Variants in RGR observed in about 807,000 individuals in gnomAD.
RGR encodes retinal G protein coupled receptor.
In RGR, 30 loss-of-function variants were observed where a neutral mutation model predicts 28.6. That is an observed-to-expected ratio of 1.05 (90% CI 0.78 to 1.42). RGR has a LOEUF of 1.42. Ranked by LOEUF, RGR falls within the 40% of genes most tolerant of loss-of-function variation. RGR has a pLI of 0.00. For synonymous variants in RGR, 180 were observed against 156.4 expected, an observed-to-expected ratio of 1.15 and a Z score of -1.13; for missense variants, 404 against 375.6, an observed-to-expected ratio of 1.08 and a Z score of -0.62.
At position 84,253,046 on chromosome 10, in the gene RGR, A is replaced by T. The variant is rs765805515; in HGVS notation, c.512+36A>T. On this transcript the variant is annotated intron_variant, in intron 4 of 6. Transcript: ENST00000652092. The stretch of plus-strand genomic sequence containing the variant: ...AGGAGCAGCTTCGAGGCTCCTATCC[A>T]TGGGAATCTTGGCTTTGAACTCCTA... 1.9e-6 allele frequency: 3 copies of T among 1,606,052 alleles called. No homozygotes were observed. The African/African-American group carries it at 4.0e-5, about 21-fold the overall frequency.
chr10:84,258,881 TA>T lies in RGR; in HGVS notation c.*247del. 7 of 531,788 alleles carry T rather than the reference TA, an allele frequency of 1.3e-5. No individual in the cohort carries two copies. Among genetic ancestry groups the T allele is most frequent in the Non-Finnish European group, 2.4e-5 (7 of 295,588 alleles). 32.9% of individuals were successfully genotyped at this position (531,788 alleles called of 1,614,324 possible). ...AGGCCTCAGGAAAGTCATTCCTTTTTAAAAATAATAATAAATGTAAGGGGGT... is the reference window on the plus strand; with the variant it reads ...AGGCCTCAGGAAAGTCATTCCTTTTTAAAATAATAATAAATGTAAGGGGGT... On this transcript the variant is annotated 3_prime_UTR_variant, in exon 7 of 7. Coordinates refer to ENST00000652092, the MANE Select transcript of RGR (RefSeq NM_001012720.2).
rs71013305 is a variant in RGR, at chr10:84,255,718, CTTTTTTTTTTTTTTT to C, written c.630+1285_630+1299del. On this transcript the variant is annotated intron_variant, in intron 5 of 6. Coordinates refer to ENST00000652092, the MANE Select transcript of RGR (RefSeq NM_001012720.2). ...CTCTATGAGGAAAGAGGTTTTCTTTCTTTTTTTTTTTTTTTTTTTTTTTTAGGCCGAGTTTCACTC... is the reference window on the plus strand; with the variant it reads ...CTCTATGAGGAAAGAGGTTTTCTTTCTTTTTTTTTAGGCCGAGTTTCACTC... Among the ~76,000 whole-genome samples, 13 of 102,852 alleles carry C rather than the reference CTTTTTTTTTTTTTTT, an allele frequency of 1.3e-4. No individual in the cohort carries two copies. In the East Asian group the frequency reaches 3.1e-3, roughly 25 times the overall value. 67.5% of individuals were successfully genotyped at this position (102,852 alleles called of 152,430 possible). A position where few individuals can be genotyped will look rare whatever the true frequency, so the allele number is the denominator to read the frequency against.
intron 3 of RGR, among the ~76,000 whole-genome samples, chr10:84,252,420 G>A (rs1018156988): frequency 2.6e-5 from 4 of 152,074 alleles, no homozygotes; most frequent in South Asian, 2.1e-4. Context: ...CCACTCCCTC[G>A]TCTCTGTCCT....
At chr10:84,248,857 C>G in intron 2 of RGR, 65 bp from the exon 3 acceptor site, 1 of 1,614,082 alleles carries the variant, frequency 6.2e-7, no homozygotes, top group East Asian at 2.2e-5. Flanking sequence ...CCAAGCTGTA[C>G]TTGGCAGGTG....
intron 2 of RGR, chr10:84,248,152 C>G: frequency 1.0e-6 from 1 of 977,690 alleles, no homozygotes; most frequent in Non-Finnish European, 1.4e-6. Flanking sequence ...ATACCTAGGA[C>G]TCTACGTAAG....
intron 6 of RGR, 84 bp from the exon 7 acceptor site, chr10:84,258,422 TGG>T: frequency 3.7e-6 from 6 of 1,601,842 alleles, no homozygotes; most frequent in African/African-American, 2.7e-5. Flanking sequence ...CAGTTGTAGG[TGG>T]AGGGTGACCG....
intron 2 of RGR, chr10:84,248,507 T>C (rs1405917236): frequency 3.9e-5 from 12 of 309,742 alleles, no homozygotes; most frequent in South Asian, 2.9e-4. Context: ...AATTGAAGTT[T>C]CCACCTTTGC....
chr10:84,246,477 C>T (rs186817278), intron 1 of RGR, among the ~76,000 whole-genome samples: 7 of 152,306 alleles, frequency 4.6e-5, no homozygotes, highest in Middle Eastern at 3.4e-3. Context: ...TGAGAACAAA[C>T]AGCATTTGGT....
In RGR at chr10:84,248,783, T is replaced by A. The variant is rs1477150382; in HGVS notation, c.237-139T>A. 2.6e-6 allele frequency: 4 copies of A among 1,513,278 alleles called. No individual in the cohort carries two copies. In the African/African-American group the frequency reaches 4.1e-5, roughly 16 times the overall value. 93.7% of individuals were successfully genotyped at this position (1,513,278 alleles called of 1,614,324 possible). On this transcript the variant is annotated intron_variant, in intron 2 of 6. Transcript: ENST00000652092. ...CAGTTACTTGAGCTCCAACGCCTCATAGGAAAGACACCAATATTAAGGCCC... is the reference window on the plus strand; with the variant it reads ...CAGTTACTTGAGCTCCAACGCCTCAAAGGAAAGACACCAATATTAAGGCCC...
intron 3 of RGR, among the ~76,000 whole-genome samples, chr10:84,249,776 G>A (rs143048627): frequency 6.6e-6 from 1 of 152,324 alleles, no homozygotes; most frequent in African/African-American, 2.4e-5. Context: ...ACTTCCATGA[G>A]GCTTCATGAA....
chr10:84,250,297 C>A, intron 3 of RGR: 2 of 710,856 alleles, frequency 2.8e-6, no homozygotes, highest in Non-Finnish European at 2.6e-6. Flanking sequence ...ATCCACAGAA[C>A]TTCCCTTGCC....
intron 2 of RGR, 168 bp from the exon 3 acceptor site, chr10:84,248,754 A>G (rs1332532805): frequency 8.1e-7 from 1 of 1,235,940 alleles, no homozygotes; most frequent in Non-Finnish European, 1.2e-6. Context: ...CCACCCCTTC[A>G]GCCCAGTTAC....
intron 2 of RGR, chr10:84,248,063 C>T (rs146505608): frequency 0.014 from 7,876 of 555,674 alleles, 104 homozygotes; most frequent in Non-Finnish European, 0.015. Context: ...TTCCATAAAT[C>T]GGATATTATT....
intron 1 of RGR, among the ~76,000 whole-genome samples, chr10:84,245,957 G>A (rs896068012): frequency 1.3e-5 from 2 of 152,280 alleles, no homozygotes; most frequent in African/African-American, 4.8e-5. Context: ...TCATCAGCAC[G>A]TTTTCTCACC....
At chr10:84,247,516 T>A in intron 1 of RGR, 75 bp from the exon 2 acceptor site, 1 of 1,555,064 alleles carries the variant, frequency 6.4e-7, no homozygotes, top group South Asian at 1.1e-5. Flanking sequence ...TGATGTTCCA[T>A]CCACCCCACA....
chr10:84,246,245 A>G (rs1041925912), intron 1 of RGR, among the ~76,000 whole-genome samples: 8 of 152,184 alleles, frequency 5.3e-5, no homozygotes, highest in East Asian at 1.9e-4. Flanking sequence ...TTAAATTTCA[A>G]TAGCTTTGGG....
At chr10:84,247,851 AT>A in intron 2 of RGR, 104 bp downstream of exon 2, 1 of 1,554,362 alleles carries the variant, frequency 6.4e-7, no homozygotes, top group Non-Finnish European at 8.8e-7. Context: ...CTTACAGAAA[AT>A]TGGCCAAGGG....
At position 84,252,975 on chromosome 10, in the gene RGR, G is replaced by C. The variant is rs371215606; in HGVS notation, c.477G>C (p.Gly159=). ...GTCACTACGACTATGAGCCACTGGG[G>C]ACATGCTGCACCCTGGACTACTCCA... ...GWGHYDYEPL[G]TCCTLDYSKG... Residue 159 remains glycine, a synonymous_variant, in exon 4 of 7, where the codon GGG becomes GGC. Coordinates refer to ENST00000652092, the MANE Select transcript of RGR (RefSeq NM_001012720.2). The C allele has an allele frequency of 1.2e-6, 2 of 1,613,962 alleles. No homozygotes were observed. Among genetic ancestry groups the C allele is most frequent in the African/African-American group, 2.7e-5 (2 of 75,048 alleles).
Position 84,252,944 on chromosome 10 carries a change from G to C in RGR, c.446G>C (p.Gly149Ala). Residue 149 changes from glycine (G) to alanine (A), a missense_variant, in exon 4 of 7, where the codon GGT becomes GCT. By Grantham distance (60) the Gly-to-Ala change is moderately conservative. Coordinates refer to ENST00000652092, the MANE Select transcript of RGR (RefSeq NM_001012720.2). ...TTCTGGGCAGCTCTGCCCCTTCTGG[G>C]TTGGGGTCACTACGACTATGAGCCA... ...SAFWAALPLLGWGHYDYEPLG... is the reference protein window; with the variant it reads ...SAFWAALPLLAWGHYDYEPLG... The C allele has an allele frequency of 6.2e-7, 1 of 1,614,086 alleles. No homozygotes were observed. Among genetic ancestry groups the C allele is most frequent in the South Asian group, 1.1e-5 (1 of 91,080 alleles).
Sources: allele counts gnomAD v4.1 joint callset (sites outside exome capture counted in the v4.1 genomes callset), GRCh38; gene constraint gnomAD v4.1.1; transcripts MANE v1.5; gene names NCBI Gene and HGNC (gene_info 2026-07-23, HGNC 2026-07-21).